Variants in FBRS observed in about 807,000 individuals in gnomAD.
FBRS encodes the protein fibrosin, also known as probable fibrosin-1.
A neutral mutation model predicts 86.1 loss-of-function variants in FBRS; 15 were observed. That is an observed-to-expected ratio of 0.17 (90% CI 0.12 to 0.27). The LOEUF is 0.27. FBRS is among the 10% of genes least tolerant of loss of function. The pLI is 1.00. For synonymous variants in FBRS, 666 were observed against 575.8 expected, an observed-to-expected ratio of 1.16 and a Z score of -2.24; for missense variants, 1,367 against 1,301.6, an observed-to-expected ratio of 1.05 and a Z score of -0.77.
chr16:30,668,987 T>TGGCCC lies in FBRS; in HGVS notation c.2366+8_2366+9insGGCCC. ...CAAGGAGGAGAAGGACAGGTGTGCC[T>TGGCCC]CCCACCCACCCTGCCCCTGCCCCAC... is the stretch of plus-strand genomic sequence containing the variant. On this transcript the variant is annotated intron_variant, in intron 17 of 17. Coordinates refer to ENST00000356166, the MANE Select transcript of FBRS (RefSeq NM_001105079.3). 8.8e-6 allele frequency: 13 copies of TGGCCC among 1,480,922 alleles called. No homozygotes were observed. The highest frequency in any genetic ancestry group is 2.9e-5 in the African/African-American group (2 of 69,738). 91.7% of individuals were successfully genotyped at this position (1,480,922 alleles called of 1,614,324 possible). A position where few individuals can be genotyped will look rare whatever the true frequency, so the allele number is the denominator to read the frequency against.
intron 6 of FBRS, among the ~76,000 whole-genome samples, 188 bp from the exon 7 acceptor site, chr16:30,664,027 G>A (rs2052490613): frequency 6.6e-6 from 1 of 152,138 alleles, no homozygotes. Context: ...GAGAAATAGG[G>A]GTTGCTGGGT....
chr16:30,662,685 C>T lies in FBRS; in HGVS notation c.881C>T (p.Pro294Leu). The T allele has an allele frequency of 6.5e-7, 1 of 1,549,380 alleles. No homozygotes were observed. The highest frequency in any genetic ancestry group is 8.7e-7 in the Non-Finnish European group (1 of 1,146,268). Reference sequence around the variant, plus strand: ...CCCGACCCGCTGCTAGTGCCTTTCCCCCCAAAGGAACCACCGCCTCCACCG... The same window carrying T: ...CCCGACCCGCTGCTAGTGCCTTTCCTCCCAAAGGAACCACCGCCTCCACCG... ...PGPDPLLVPF[P>L]PKEPPPPPVP... is the part of the protein sequence containing the mutation. The change falls in exon 6 of 18, where the codon CCC (proline) becomes CTC (leucine). Residue 294 changes from proline (P) to leucine (L), a missense_variant. This residue lies in a region of FBRS where 702 missense variants were observed against 598.7 expected (regional missense o/e 1.17). Coordinates refer to ENST00000356166, the MANE Select transcript of FBRS (RefSeq NM_001105079.3).
Position 30,670,168 on chromosome 16 carries a change from G to A in FBRS, c.*523G>A, listed in dbSNP as rs2052579699. 1 of 458,512 alleles carries A rather than the reference G, an allele frequency of 2.2e-6. No individual in the cohort carries two copies. The allele number at this position is 458,512 out of a possible 1,614,324, so 28.4% of individuals were successfully genotyped here. A position where few individuals can be genotyped will look rare whatever the true frequency, so the allele number is the denominator to read the frequency against. On this transcript the variant is annotated 3_prime_UTR_variant, in exon 18 of 18. Transcript: ENST00000356166. ...TGCCCCTCCCAACAGTTCCCTTCCT[G>A]GTTAATTAAACCCTCAGACTGGTGC...
chr16:30,666,418 C>A (rs1310424889), intron 11 of FBRS, 94 bp from the exon 12 acceptor site: 2 of 1,502,932 alleles, frequency 1.3e-6, no homozygotes, highest in East Asian at 2.3e-5. Flanking sequence ...GTGTCTCAGG[C>A]ATGTTGGGGG....
rs1224773451 is a variant in FBRS, at chr16:30,662,581, C to T, written c.777C>T (p.Phe259=). ...CAGCCTCGGGCCCCCACGGCGCCTTCAATGGGAACTGTGAAGCAAAACTCT... is the reference window on the plus strand; with the variant it reads ...CAGCCTCGGGCCCCCACGGCGCCTTTAATGGGAACTGTGAAGCAAAACTCT... The part of the protein sequence containing the change: ...TSKASGPHGA[F]NGNCEAKLSV... The change falls in exon 6 of 18, where the codon TTC becomes TTT. Residue 259 remains phenylalanine (F), a synonymous_variant. Coordinates refer to ENST00000356166, the MANE Select transcript of FBRS (RefSeq NM_001105079.3). The T allele has an allele frequency of 6.5e-7, 1 of 1,542,134 alleles. No homozygotes were observed. The highest frequency in any genetic ancestry group is 2.0e-5 in the Admixed American group (1 of 50,440).
chr16:30,662,530 C>G, intron 5 of FBRS, 29 bp from the exon 6 acceptor site: 1 of 1,549,494 alleles, frequency 6.5e-7, no homozygotes, highest in Non-Finnish European at 8.7e-7. Flanking sequence ...TGAGCCTCAA[C>G]TGAGCATGTC....
At position 30,659,159 on chromosome 16, in the gene FBRS, T is replaced by C. The variant is rs2052421826; in HGVS notation, c.-360T>C. 6.5e-6 allele frequency: 1 copy of C among 152,820 alleles called. No individual in the cohort carries two copies. The highest frequency in any genetic ancestry group is 6.5e-5 in the Admixed American group (1 of 15,296). The allele number at this position is 152,820 out of a possible 1,614,324, so 9.5% of individuals were successfully genotyped here. On this transcript the variant is annotated 5_prime_UTR_variant, in exon 1 of 18. Transcript: ENST00000356166. Reference sequence around the variant, plus strand: ...TTCCTCTTCCTCGGGGAGACTTGCATCGACCCCTGGCAGGGGGTGGCCACC... The same window carrying C: ...TTCCTCTTCCTCGGGGAGACTTGCACCGACCCCTGGCAGGGGGTGGCCACC...
At chr16:30,660,631 T>C (rs888755030) in intron 2 of FBRS, 189 bp downstream of exon 2, 2 of 962,336 alleles carry the variant, frequency 2.1e-6, no homozygotes, top group Admixed American at 3.9e-5. Context: ...GCACCTCCTT[T>C]TGCCTGGTTC....
chr16:30,665,814 G>A lies in FBRS; in HGVS notation c.1773+108G>A, dbSNP rs777991641. 13 of 1,023,470 alleles carry A rather than the reference G, an allele frequency of 1.3e-5. No homozygotes were observed. The East Asian group carries it at 1.6e-4, about 13-fold the overall frequency. The allele number at this position is 1,023,470 out of a possible 1,614,324, so 63.4% of individuals were successfully genotyped here. ...TGATTCCTCCCTTGAATTCACAATC[G>A]GGTGTTCCTGGGTGTCTAATAGAGA... On this transcript the variant is annotated intron_variant, in intron 11 of 17. Transcript: ENST00000356166. The surrounding 1 kb of genome is among the most constrained non-coding windows in gnomAD (Gnocchi z 4.1).
At chr16:30,660,565 G>A in intron 2 of FBRS, 123 bp downstream of exon 2, 1 of 1,255,178 alleles carries the variant, frequency 8.0e-7, no homozygotes, top group South Asian at 3.9e-5. Flanking sequence ...AGGCAAGCAG[G>A]GCAAATTTGA....
chr16:30,661,951 C>T (rs779052392), intron 4 of FBRS: 1 of 179,022 alleles, frequency 5.6e-6, no homozygotes, highest in African/African-American at 2.4e-5. Context: ...CGTCATCCAT[C>T]TCTATCTGTC....
intron 11 of FBRS, 133 bp from the exon 12 acceptor site, chr16:30,666,379 C>G: frequency 9.0e-7 from 1 of 1,105,096 alleles, no homozygotes; most frequent in Non-Finnish European, 1.3e-6. Context: ...GAGTTTGGGC[C>G]TGAGCAGGAA....
At position 30,659,734 on chromosome 16, in the gene FBRS, T is replaced by C. The variant is rs2052431681; in HGVS notation, c.216T>C (p.Ser72=). The change falls in exon 1 of 18, where the codon TCT becomes TCC. Residue 72 remains serine (S), a synonymous_variant. Coordinates refer to ENST00000356166, the MANE Select transcript of FBRS (RefSeq NM_001105079.3). ...CCAGGCCTTGGTCGTCAGCTTCGTC[T>C]GGAGAGCGGCCTGGGGGCCCGAGAC... ...PPARPWSSAS[S]GERPGGPRRR... 2 of 1,287,192 alleles carry C rather than the reference T, an allele frequency of 1.6e-6. No homozygotes were observed. 79.7% of individuals were successfully genotyped at this position (1,287,192 alleles called of 1,614,324 possible). A position where few individuals can be genotyped will look rare whatever the true frequency, so the allele number is the denominator to read the frequency against.
intron 6 of FBRS, 191 bp downstream of exon 6, chr16:30,663,050 A>C: frequency 1.8e-6 from 2 of 1,082,260 alleles, no homozygotes; most frequent in Non-Finnish European, 1.2e-6. Context: ...AGGGGAATCC[A>C]GGCTGTGCTG....
rs1438949891 is a variant in FBRS at position 30,669,802 on chromosome 16, A to G, written c.*157A>G. 6.6e-6 allele frequency: 6 copies of G among 913,340 alleles called. No individual in the cohort carries two copies. The East Asian group carries it at 1.3e-4, about 20-fold the overall frequency. 56.6% of individuals were successfully genotyped at this position (913,340 alleles called of 1,614,324 possible). ...TGGGAACAGAAGCCTCAACCCCCAC[A>G]AGACCAAGCATCACATGGAGTGTAG... is the stretch of plus-strand genomic sequence containing the variant. On this transcript the variant is annotated 3_prime_UTR_variant, in exon 18 of 18. Transcript: ENST00000356166. The surrounding 1 kb of genome is among the most constrained non-coding windows in gnomAD (Gnocchi z 5.9).
intron 11 of FBRS, 34 bp from the exon 12 acceptor site, chr16:30,666,478 G>C: frequency 3.7e-6 from 6 of 1,613,994 alleles, no homozygotes; most frequent in Non-Finnish European, 5.1e-6. Flanking sequence ...ACTCGGGTCT[G>C]AGTCGCCTCC....
In FBRS at chr16:30,669,207, T is replaced by TGCC. The variant is rs766715446; in HGVS notation, c.2508_2510dup (p.Ala849dup). 3.9e-6 allele frequency: 6 copies of TGCC among 1,544,324 alleles called. No individual in the cohort carries two copies. The Middle Eastern group carries it at 5.0e-4, about 129-fold the overall frequency. On this transcript the variant is annotated inframe_insertion, in exon 18 of 18. Coordinates refer to ENST00000356166, the MANE Select transcript of FBRS (RefSeq NM_001105079.3). This position sits in a 1 kb window ranked among gnomAD's most constrained non-coding sequence, Gnocchi z 5.9. ...GGAAGGAGGAGGCTGCCGCCGCCGC[T>TGCC]GCCGCTGCTGCTGCCGCCGCCGCTG... is the stretch of plus-strand genomic sequence containing the variant.
Position 30,666,603 on chromosome 16 carries a change from A to G in FBRS, c.1803+62A>G, listed in dbSNP as rs77994228. ...GGGGCTGGTGTTAGCATGTTTGGCTAAGGGGGGTTTTGCTTACAAATAAGT... is the reference window on the plus strand; with the variant it reads ...GGGGCTGGTGTTAGCATGTTTGGCTGAGGGGGGTTTTGCTTACAAATAAGT... On this transcript the variant is annotated intron_variant, in intron 12 of 17. Transcript: ENST00000356166. 1.9e-3 allele frequency: 3,138 copies of G among 1,612,266 alleles called. 63 individuals carry two copies. In the African/African-American group the frequency reaches 0.036, roughly 19 times the overall value.
chr16:30,660,655 A>G (rs2052448932), intron 2 of FBRS: 1 of 764,348 alleles, frequency 1.3e-6, no homozygotes. Flanking sequence ...GTCTACTTCA[A>G]ACGTTTTGAT....
Sources: gnomAD v4.1 joint callset for allele counts (sites outside exome capture counted in the v4.1 genomes callset) on GRCh38, gnomAD v4.1.1 for gene constraint, gnomAD v4.1.1 regional missense constraint, Gnocchi (gnomAD v3.1) non-coding constraint, MANE v1.5 for transcripts, NCBI Gene and HGNC (gene_info 2026-07-23, HGNC 2026-07-21) for gene names.